The following BRINP3 variants were observed in gnomAD, a reference collection of about 807,000 sequenced individuals.
BRINP3 encodes BMP/retinoic acid-inducible neural-specific protein 3.
Under a neutral mutation model 71.0 loss-of-function variants are expected in BRINP3, and 19 were observed. The observed-to-expected ratio is 0.27, with a 90% CI of 0.19 to 0.39. The LOEUF is 0.39. Among genes scored for constraint, BRINP3 ranks in the 10% least tolerant of loss-of-function variants. The pLI is 1.00. For missense variants in BRINP3, 959 were observed against 940.8 expected (o/e 1.02, Z -0.25); for synonymous variants, 380 against 337.7 (o/e 1.13, Z -1.37).
At chr1:190,444,123 C>G (rs1227557726) in intron 2 of BRINP3, among the ~76,000 whole-genome samples, 1 of 151,742 alleles carries the variant, frequency 6.6e-6, no homozygotes, top group African/African-American at 2.4e-5. Flanking sequence ...ATCCCAGGTA[C>G]TCGGGAGGCT....
chr1:190,147,921 C>T (rs1009996943), intron 7 of BRINP3, among the ~76,000 whole-genome samples: 2 of 152,126 alleles, frequency 1.3e-5, no homozygotes, highest in Non-Finnish European at 2.9e-5. Context: ...GTATGATAGA[C>T]AAATGCTGTA....
chr1:190,113,210 C>A (rs950878251), intron 7 of BRINP3, among the ~76,000 whole-genome samples: 3 of 151,842 alleles, frequency 2.0e-5, no homozygotes, highest in Non-Finnish European at 2.9e-5. Flanking sequence ...ACTAATTATT[C>A]TTCTTCCACT....
intron 7 of BRINP3, chr1:190,153,977 T>C (rs1656648223): frequency 1.7e-6 from 1 of 578,958 alleles, no homozygotes; most frequent in South Asian, 7.6e-5. Flanking sequence ...TGGAATTTTA[T>C]TCCTCTCAAA....
intron 2 of BRINP3, among the ~76,000 whole-genome samples, chr1:190,404,676 G>A (rs1672145658): frequency 6.6e-6 from 1 of 152,164 alleles, no homozygotes; most frequent in Non-Finnish European, 1.5e-5. Flanking sequence ...AACCCTGTGA[G>A]TTTGCCAGAG....
At chr1:190,378,486 A>C (rs912569643) in intron 2 of BRINP3, among the ~76,000 whole-genome samples, 1 of 152,182 alleles carries the variant, frequency 6.6e-6, no homozygotes, top group Non-Finnish European at 1.5e-5. Flanking sequence ...CATGGCAAAT[A>C]GTCTTGAAAC....
intron 2 of BRINP3, among the ~76,000 whole-genome samples, chr1:190,411,659 G>A (rs754178022): frequency 2.0e-5 from 3 of 151,974 alleles, no homozygotes; most frequent in African/African-American, 7.2e-5. Context: ...TATAACTAAG[G>A]TCTATTTTTC....
At chr1:190,461,699 G>T in intron 1 of BRINP3, among the ~76,000 whole-genome samples, 1 of 152,096 alleles carries the variant, frequency 6.6e-6, no homozygotes, top group East Asian at 1.9e-4. Flanking sequence ...GATATGGCTG[G>T]CAAGACCATA....
intron 4 of BRINP3, among the ~76,000 whole-genome samples, chr1:190,240,180 T>C (rs186518550): frequency 2.0e-5 from 3 of 152,044 alleles, no homozygotes; most frequent in East Asian, 1.9e-4. Flanking sequence ...ATGAAAAAAA[T>C]AGTTTTTTCT....
chr1:190,163,143 TA>T lies in BRINP3; in HGVS notation c.962-2254del, dbSNP rs774087710. On this transcript the variant is annotated intron_variant, in intron 6 of 7. Transcript: ENST00000367462. ...AATTTATATTTATAGAATACAGAAA[TA>T]AAATTTGAATGATGCATTAGTATTA... 1.2e-4 allele frequency among the ~76,000 whole-genome samples: 19 copies of T among 152,166 alleles called. No individual in the cohort carries two copies. The East Asian group carries it at 2.7e-3, about 22-fold the overall frequency.
At chr1:190,237,206 T>C (rs1658608564) in intron 4 of BRINP3, among the ~76,000 whole-genome samples, 1 of 151,808 alleles carries the variant, frequency 6.6e-6, no homozygotes, top group Non-Finnish European at 1.5e-5. Context: ...ATAATTTTAT[T>C]TTGTTCTCTA....
intron 2 of BRINP3, among the ~76,000 whole-genome samples, chr1:190,405,191 C>T (rs1347361241): frequency 3.3e-5 from 5 of 151,962 alleles, no homozygotes; most frequent in African/African-American, 1.2e-4. Flanking sequence ...GTGGCTCACG[C>T]CTGTAATCCC....
chr1:190,108,911 T>G (rs7412309), intron 7 of BRINP3, among the ~76,000 whole-genome samples: 1 of 151,832 alleles, frequency 6.6e-6, no homozygotes, highest in Non-Finnish European at 1.5e-5. Context: ...GCAATACAAA[T>G]GAGAGCCTTT....
Position 190,139,799 on chromosome 1 carries a change from T to C in BRINP3, c.1184+20869A>G, listed in dbSNP as rs141684228. 5.0e-3 allele frequency among the ~76,000 whole-genome samples: 756 copies of C among 152,320 alleles called. 4 individuals carry two copies. The highest frequency in any genetic ancestry group is 0.017 in the African/African-American group (691 of 41,576). On this transcript the variant is annotated intron_variant, in intron 7 of 7. Coordinates refer to ENST00000367462, the MANE Select transcript of BRINP3 (RefSeq NM_199051.3). ...GTTTTCTCCAGGCAACATTTAGTGT[T>C]ACCTTTCTCATGTTTGTAGGCCCAA...
intron 2 of BRINP3, among the ~76,000 whole-genome samples, 187 bp from the exon 3 acceptor site, chr1:190,281,937 C>A (rs1663071346): frequency 6.6e-6 from 1 of 151,406 alleles, no homozygotes; most frequent in Non-Finnish European, 1.5e-5. Flanking sequence ...AAAACCAAGT[C>A]ATGTAAAGGA....
intron 7 of BRINP3, among the ~76,000 whole-genome samples, chr1:190,145,238 A>ATG (rs1161998880): frequency 6.6e-6 from 1 of 152,172 alleles, no homozygotes; most frequent in East Asian, 1.9e-4. Flanking sequence ...TTATTTGTCC[A>ATG]ATGAAATAAA....
At chr1:190,297,361 C>CAA (rs372322835) in intron 2 of BRINP3, among the ~76,000 whole-genome samples, 1 of 143,838 alleles carries the variant, frequency 7.0e-6, no homozygotes, top group Non-Finnish European at 1.5e-5. Flanking sequence ...ATACAATACA[C>CAA]AAAAAAAAAA....
intron 7 of BRINP3, among the ~76,000 whole-genome samples, chr1:190,133,234 G>A (rs1571793994): frequency 6.6e-6 from 1 of 152,076 alleles, no homozygotes; most frequent in Admixed American, 6.6e-5. Context: ...CTAAGAACTT[G>A]TAACACTGCA....
In BRINP3 at chr1:190,411,798, G is replaced by A. The variant is rs778961589; in HGVS notation, c.236+42857C>T. On this transcript the variant is annotated intron_variant, in intron 2 of 7. Transcript: ENST00000367462. Reference sequence around the variant, plus strand: ...AATATAAAAACACATTTTGAAATCTGGAATGCAGATATATTGAAAACCAGT... The same window carrying A: ...AATATAAAAACACATTTTGAAATCTAGAATGCAGATATATTGAAAACCAGT... 1.1e-4 allele frequency among the ~76,000 whole-genome samples: 17 copies of A among 152,226 alleles called. 1 individual carries two copies. The highest frequency in any genetic ancestry group is 7.2e-4 in the Admixed American group (11 of 15,294).
At chr1:190,275,111 C>A (rs959122408) in intron 3 of BRINP3, among the ~76,000 whole-genome samples, 1 of 151,428 alleles carries the variant, frequency 6.6e-6, no homozygotes, top group African/African-American at 2.4e-5. Flanking sequence ...ATGATACTCT[C>A]GATAGTAGTA....
Sources: gnomAD v4.1 joint callset for allele counts (sites outside exome capture counted in the v4.1 genomes callset) on GRCh38, gnomAD v4.1.1 for gene constraint, MANE v1.5 for transcripts, NCBI Gene and HGNC (gene_info 2026-07-23, HGNC 2026-07-21) for gene names.